The following CTNNA2 variants were observed in gnomAD, a reference collection of about 807,000 sequenced individuals.
CTNNA2 encodes the protein catenin alpha-2.
CTNNA2 carries 42 observed loss-of-function variants against 101.0 expected under a neutral mutation model. The ratio of observed to expected loss-of-function variants is 0.42; its 90% CI spans 0.32 to 0.54. CTNNA2 has a LOEUF of 0.54. Ranked by LOEUF, CTNNA2 falls within the 20% of genes least tolerant of loss-of-function variation. CTNNA2 has a pLI of 0.14. For synonymous variants in CTNNA2, 450 were observed against 456.4 expected, an observed-to-expected ratio of 0.99 and a Z score of 0.18; for missense variants, 871 against 1,223.1, an observed-to-expected ratio of 0.71 and a Z score of 4.29.
At chr2:80,351,633 T>C (rs1417830953) in intron 7 of CTNNA2, among the ~76,000 whole-genome samples, 1 of 152,110 alleles carries the variant, frequency 6.6e-6, no homozygotes, top group African/African-American at 2.4e-5. Flanking sequence ...TGCTTTAACA[T>C]GCATGGGGGG....
chr2:79,773,042 A>C (rs1485730024), intron 3 of CTNNA2, among the ~76,000 whole-genome samples: 1 of 152,164 alleles, frequency 6.6e-6, no homozygotes, highest in Non-Finnish European at 1.5e-5. Flanking sequence ...TAGGCCTTCC[A>C]TGTCCATTTA....
intron 7 of CTNNA2, among the ~76,000 whole-genome samples, chr2:79,917,171 A>G (rs1345117662): frequency 1.3e-5 from 2 of 151,760 alleles, no homozygotes; most frequent in African/African-American, 4.8e-5. Flanking sequence ...TCCCAGGTTC[A>G]AGTGATTTTC....
At chr2:79,915,846 G>T (rs576296380) in intron 7 of CTNNA2, among the ~76,000 whole-genome samples, 1 of 152,142 alleles carries the variant, frequency 6.6e-6, no homozygotes, top group African/African-American at 2.4e-5. Context: ...GAGAGGCCCA[G>T]AACAACTAGT....
chr2:80,619,994 C>T (rs577232346), intron 18 of CTNNA2, among the ~76,000 whole-genome samples: 29 of 151,908 alleles, frequency 1.9e-4, no homozygotes, highest in South Asian at 1.0e-3. Context: ...TCAACTGGAG[C>T]GGGCACTTTT....
chr2:79,557,029 T>C (rs1467515169), intron 1 of CTNNA2, among the ~76,000 whole-genome samples: 1 of 151,996 alleles, frequency 6.6e-6, no homozygotes, highest in African/African-American at 2.4e-5. Flanking sequence ...CAGCCTATTC[T>C]AGATCCTTAC....
chr2:79,592,722 A>G (rs1676942147), intron 1 of CTNNA2, among the ~76,000 whole-genome samples: 1 of 152,126 alleles, frequency 6.6e-6, no homozygotes, highest in Admixed American at 6.5e-5. Flanking sequence ...GCAAAAACAT[A>G]TTTTCTACAG....
rs188735631 is a variant in CTNNA2 at position 79,341,173 on chromosome 2, G to A, written c.-318+28377G>A. ...GAACCCAACTCAGCTATTTCTGATC[G>A]TGAGCACCATGTTTATGCCCTCTAT... On this transcript the variant is annotated intron_variant, in intron 3 of 21. Coordinates refer to the CTNNA2 transcript ENST00000466387. 7.2e-5 allele frequency among the ~76,000 whole-genome samples: 11 copies of A among 152,162 alleles called. No individual in the cohort carries two copies. The East Asian group carries it at 1.4e-3, about 19-fold the overall frequency.
intron 3 of CTNNA2, among the ~76,000 whole-genome samples, chr2:79,355,647 T>C (rs1246969940): frequency 6.6e-6 from 1 of 152,232 alleles, no homozygotes; most frequent in African/African-American, 2.4e-5. Context: ...GCTTTCTGTG[T>C]TTATGGATTT....
At chr2:80,621,683 T>C (rs758090910) in intron 18 of CTNNA2, among the ~76,000 whole-genome samples, 10 of 151,916 alleles carry the variant, frequency 6.6e-5, no homozygotes, top group Non-Finnish European at 1.3e-4. Flanking sequence ...CTATGTAATA[T>C]TGCAGGAAAT....
chr2:80,094,217 T>TACATATGGCTAGCCAGTTTTCC (rs1699990355), intron 7 of CTNNA2, among the ~76,000 whole-genome samples: 3 of 152,194 alleles, frequency 2.0e-5, no homozygotes, highest in Non-Finnish European at 2.9e-5. Context: ...TTCAGCTTTC[T>TACATATGGCTAGCCAGTTTTCC]ACATATGGCT....
chr2:79,502,171 G>T lies in CTNNA2; in HGVS notation c.-134-2883G>T, dbSNP rs572553928. On this transcript the variant is annotated intron_variant, in intron 4 of 21. Transcript: ENST00000466387. Reference sequence around the variant, plus strand: ...TGTGACTTAAATACAAAAAGTTATTGTAAGAGTATTATTAGTTTTACTCAT... The same window carrying T: ...TGTGACTTAAATACAAAAAGTTATTTTAAGAGTATTATTAGTTTTACTCAT... Among the ~76,000 whole-genome samples, 6 of 152,098 alleles carry T rather than the reference G, an allele frequency of 3.9e-5. No individual in the cohort carries two copies. The South Asian group carries it at 1.2e-3, about 32-fold the overall frequency.
intron 8 of CTNNA2, among the ~76,000 whole-genome samples, chr2:80,416,344 T>C (rs1680046547): frequency 6.6e-6 from 1 of 152,200 alleles, no homozygotes; most frequent in African/African-American, 2.4e-5. Context: ...TTTAAATATA[T>C]ACAATTTTAT....
intron 1 of CTNNA2, among the ~76,000 whole-genome samples, chr2:79,581,315 C>G (rs1485066873): frequency 6.6e-6 from 1 of 152,134 alleles, no homozygotes; most frequent in Non-Finnish European, 1.5e-5. Context: ...TGCTTGAGGT[C>G]AGGAGTTAGA....
chr2:79,757,668 T>TGTCCACCC, intron 3 of CTNNA2, among the ~76,000 whole-genome samples: 1 of 152,218 alleles, frequency 6.6e-6, no homozygotes, highest in South Asian at 2.1e-4. Flanking sequence ...TGTGCAAACC[T>TGTCCACCC]GTCCACCCGA....
chr2:79,506,505 A>G (rs773044467), intron 5 of CTNNA2, among the ~76,000 whole-genome samples: 11 of 152,128 alleles, frequency 7.2e-5, no homozygotes, highest in Non-Finnish European at 1.3e-4. Flanking sequence ...ACATGGTACA[A>G]TAATTATACT....
At chr2:79,652,539 C>T (rs1459550380) in intron 2 of CTNNA2, among the ~76,000 whole-genome samples, 2 of 152,034 alleles carry the variant, frequency 1.3e-5, no homozygotes, top group Non-Finnish European at 2.9e-5. Context: ...TGCTTTTGTC[C>T]TTGCATCCCA....
chr2:80,465,574 T>C (rs1244112949), intron 9 of CTNNA2, among the ~76,000 whole-genome samples: 6 of 152,156 alleles, frequency 3.9e-5, no homozygotes, highest in African/African-American at 9.7e-5. Flanking sequence ...GCTCCAAAGC[T>C]TTCTGCGATG....
At chr2:80,353,447 T>C (rs1190726366) in intron 7 of CTNNA2, among the ~76,000 whole-genome samples, 4 of 152,166 alleles carry the variant, frequency 2.6e-5, no homozygotes, top group African/African-American at 7.2e-5. Context: ...TTCTCTCCTT[T>C]CTACTATAAC....
At chr2:80,155,513 A>G (rs1429502736) in intron 7 of CTNNA2, among the ~76,000 whole-genome samples, 2 of 151,982 alleles carry the variant, frequency 1.3e-5, no homozygotes, top group South Asian at 2.1e-4. Context: ...CTCCCCAGTT[A>G]CTTGCTTGCC....
Sources: gnomAD v4.1 joint callset for allele counts (sites outside exome capture counted in the v4.1 genomes callset) on GRCh38, gnomAD v4.1.1 for gene constraint, MANE v1.5 for transcripts, NCBI Gene and HGNC (gene_info 2026-07-23, HGNC 2026-07-21) for gene names.